GALNT17: variants seen among roughly 807,000 people sequenced by gnomAD.
GALNT17 encodes polypeptide N-acetylgalactosaminyltransferase 17, also known as UDP-GalNAc:polypeptide N-acetylgalactosaminyltransferase-like 3.
A neutral mutation model predicts 63.7 loss-of-function variants in GALNT17; 29 were observed. The ratio of observed to expected loss-of-function variants is 0.46; its 90% CI spans 0.34 to 0.62. The LOEUF is 0.62. Ranked by LOEUF, GALNT17 falls within the 20% of genes least tolerant of loss-of-function variation. GALNT17 has a pLI of 0.01. For synonymous variants in GALNT17, 305 were observed against 318.3 expected (o/e 0.96, Z 0.45); for missense variants, 603 against 799.6 (o/e 0.75, Z 2.97).
chr7:71,640,974 A>C (rs1003232885), intron 6 of GALNT17, among the ~76,000 whole-genome samples: 28 of 152,202 alleles, frequency 1.8e-4, no homozygotes, highest in Admixed American at 4.6e-4. Context: ...AGATTCCCTA[A>C]CTGTGATAAA....
At chr7:71,551,051 T>C (rs1320740622) in intron 5 of GALNT17, among the ~76,000 whole-genome samples, 1 of 152,160 alleles carries the variant, frequency 6.6e-6, no homozygotes, top group Non-Finnish European at 1.5e-5. Context: ...TAATATTTCT[T>C]CTGCCCTGTT....
At chr7:71,168,020 A>G (rs746309083) in intron 1 of GALNT17, among the ~76,000 whole-genome samples, 7 of 152,084 alleles carry the variant, frequency 4.6e-5, no homozygotes, top group South Asian at 4.1e-4. Flanking sequence ...ACTGTGATCT[A>G]TTTTCGTATA....
chr7:71,165,939 T>C (rs1454794901), intron 1 of GALNT17, among the ~76,000 whole-genome samples: 2 of 142,268 alleles, frequency 1.4e-5, no homozygotes. Context: ...AGGATGTTAG[T>C]GAAAGCTGCT....
At chr7:71,281,756 A>G (rs1327217576) in intron 1 of GALNT17, among the ~76,000 whole-genome samples, 1 of 152,210 alleles carries the variant, frequency 6.6e-6, no homozygotes, top group Non-Finnish European at 1.5e-5. Flanking sequence ...ACAATGATAT[A>G]TATTTCCAGA....
intron 5 of GALNT17, among the ~76,000 whole-genome samples, chr7:71,528,684 C>G (rs1788665612): frequency 6.6e-6 from 1 of 152,162 alleles, no homozygotes; most frequent in Non-Finnish European, 1.5e-5. Flanking sequence ...ATGAAAGTTA[C>G]ATGACCAAAA....
At chr7:71,232,062 G>A (rs771054374) in intron 1 of GALNT17, among the ~76,000 whole-genome samples, 1 of 152,152 alleles carries the variant, frequency 6.6e-6, no homozygotes, top group Non-Finnish European at 1.5e-5. Context: ...GTCACCATTT[G>A]CTTTGGAGAA....
At chr7:71,154,074 T>C (rs2903460) in intron 1 of GALNT17, among the ~76,000 whole-genome samples, 50,832 of 152,086 alleles carry the variant, frequency 0.33, 8,906 homozygotes, top group Middle Eastern at 0.38. Flanking sequence ...GTGGAAATAA[T>C]GTTCCATGAC....
At chr7:71,620,149 A>C (rs1475384227) in intron 6 of GALNT17, among the ~76,000 whole-genome samples, 1 of 152,168 alleles carries the variant, frequency 6.6e-6, no homozygotes, top group Non-Finnish European at 1.5e-5. Flanking sequence ...CTGTGTGATC[A>C]TGGTGTATTC....
At chr7:71,334,572 A>C (rs1161254340) in intron 1 of GALNT17, among the ~76,000 whole-genome samples, 1 of 151,866 alleles carries the variant, frequency 6.6e-6, no homozygotes, top group Non-Finnish European at 1.5e-5. Context: ...AAGTAATAAA[A>C]CCTCCCATAA....
chr7:71,639,687 A>G (rs1790576971), intron 6 of GALNT17, among the ~76,000 whole-genome samples: 1 of 152,220 alleles, frequency 6.6e-6, no homozygotes, highest in Non-Finnish European at 1.5e-5. Context: ...AAGCTGTTAA[A>G]TGCTGTGCGA....
At chr7:71,520,728 G>A (rs1584021933) in intron 5 of GALNT17, among the ~76,000 whole-genome samples, 1 of 152,094 alleles carries the variant, frequency 6.6e-6, no homozygotes, top group Non-Finnish European at 1.5e-5. Flanking sequence ...CAGTGTGGTC[G>A]TTGGAAAGAT....
chr7:71,517,109 C>G (rs1788457990), intron 5 of GALNT17, among the ~76,000 whole-genome samples: 1 of 152,176 alleles, frequency 6.6e-6, no homozygotes, highest in African/African-American at 2.4e-5. Context: ...AACAAAAATA[C>G]CATGGACTAG....
At chr7:71,541,242 C>CAA (rs9297114) in intron 5 of GALNT17, among the ~76,000 whole-genome samples, 1 of 145,758 alleles carries the variant, frequency 6.9e-6, no homozygotes, top group East Asian at 2.1e-4. Context: ...GACACTGTCT[C>CAA]AAAAAAAAAA....
At chr7:71,164,153 A>G (rs1788394621) in intron 1 of GALNT17, among the ~76,000 whole-genome samples, 1 of 152,194 alleles carries the variant, frequency 6.6e-6, no homozygotes, top group South Asian at 2.1e-4. Flanking sequence ...GGAAAAAGTC[A>G]TGTAGTTGTC....
chr7:71,488,582 T>C (rs1448860959), intron 5 of GALNT17, among the ~76,000 whole-genome samples: 1 of 147,754 alleles, frequency 6.8e-6, no homozygotes, highest in African/African-American at 2.5e-5. Context: ...TTCTTTTTTT[T>C]TTTTTTTTTT....
At chr7:71,667,055 C>A (rs190964659) in intron 7 of GALNT17, among the ~76,000 whole-genome samples, 1 of 152,234 alleles carries the variant, frequency 6.6e-6, no homozygotes, top group Admixed American at 6.5e-5. Context: ...TGCTGCACAG[C>A]AGGGTAACCT....
At chr7:71,242,244 CTTTTT>C (rs796157853) in intron 1 of GALNT17, among the ~76,000 whole-genome samples, 2 of 117,066 alleles carry the variant, frequency 1.7e-5, no homozygotes, top group African/African-American at 6.1e-5. Flanking sequence ...GATCACATTT[CTTTTT>C]TTTTTTTTTT....
intron 1 of GALNT17, among the ~76,000 whole-genome samples, chr7:71,168,690 C>G (rs1788490519): frequency 7.4e-6 from 1 of 136,044 alleles, no homozygotes; most frequent in African/African-American, 2.9e-5. Flanking sequence ...TCCATCAGCT[C>G]ACATAGTTAC....
intron 1 of GALNT17, among the ~76,000 whole-genome samples, chr7:71,141,667 C>A (rs1460932772): frequency 7.0e-6 from 1 of 143,696 alleles, no homozygotes; most frequent in Non-Finnish European, 1.5e-5. Context: ...GTTTCTTTTT[C>A]TTTCTTTCTT....
Sources: gnomAD v4.1 joint callset for allele counts (sites outside exome capture counted in the v4.1 genomes callset) on GRCh38, gnomAD v4.1.1 for gene constraint, MANE v1.5 for transcripts, NCBI Gene and HGNC (gene_info 2026-07-23, HGNC 2026-07-21) for gene names.